The following C11orf65 variants were observed in gnomAD, a reference collection of about 807,000 sequenced individuals.
C11orf65 encodes the protein protein MFI.
In C11orf65, 38 loss-of-function variants were observed where a neutral mutation model predicts 35.3. That is an observed-to-expected ratio of 1.08 (90% CI 0.83 to 1.41). C11orf65 has a LOEUF of 1.41. Among genes scored for constraint, C11orf65 ranks in the 40% most tolerant of loss-of-function variants. C11orf65 has a pLI of 0.00. For missense variants in C11orf65, 370 were observed against 367.1 expected, an observed-to-expected ratio of 1.01 and a Z score of -0.06; for synonymous variants, 105 against 114.4, an observed-to-expected ratio of 0.92 and a Z score of 0.53.
At chr11:108,340,437 T>A (rs1203158563) in intron 2 of C11orf65, 2 of 152,142 alleles carry the variant, frequency 1.3e-5, no homozygotes, top group Non-Finnish European at 2.9e-5. Context: ...TTCACAAAAA[T>A]TCCTAAATGT....
At chr11:108,327,082 C>A (rs1286782382), downstream of C11orf65, among the ~76,000 whole-genome samples, 3 of 152,170 alleles carry the variant, frequency 2.0e-5, no homozygotes, top group Non-Finnish European at 4.4e-5. Flanking sequence ...CCCGCCTTGT[C>A]CTCTGAAAGT....
At chr11:108,323,604 A>T (rs181468992) in intron 6 of C11orf65, among the ~76,000 whole-genome samples, 7 of 152,332 alleles carry the variant, frequency 4.6e-5, no homozygotes, top group Non-Finnish European at 8.8e-5. Context: ...GGATATCTCA[A>T]TTACCCAAAT....
chr11:108,379,177 C>T (rs996142521), downstream of C11orf65, among the ~76,000 whole-genome samples: 19 of 152,054 alleles, frequency 1.2e-4, no homozygotes, highest in South Asian at 2.1e-4. Context: ...CACATGCACA[C>T]GTATGTTTAT....
chr11:108,314,673 A>G (rs965835934), intron 6 of C11orf65, among the ~76,000 whole-genome samples: 4 of 152,172 alleles, frequency 2.6e-5, no homozygotes, highest in African/African-American at 9.7e-5. Context: ...AAATCAGGGT[A>G]AAACTAAATT....
At chr11:108,320,597 G>A (rs2085134769) in intron 6 of C11orf65, among the ~76,000 whole-genome samples, 1 of 152,156 alleles carries the variant, frequency 6.6e-6, no homozygotes, top group South Asian at 2.1e-4. Flanking sequence ...CTCTAATCAT[G>A]ACAATAACTA....
chr11:108,343,085 G>A, intron 2 of C11orf65: 1 of 1,112,132 alleles, frequency 9.0e-7, no homozygotes, highest in Non-Finnish European at 1.3e-6. Flanking sequence ...CCTCCAAGGA[G>A]CTTTGTCTTC....
intron 3 of C11orf65, among the ~76,000 whole-genome samples, chr11:108,408,089 G>T (rs1396263548): frequency 1.3e-5 from 2 of 150,420 alleles, no homozygotes; most frequent in African/African-American, 4.9e-5. Context: ...AGTTACATAG[G>T]TATACATGTG....
At chr11:108,445,966 C>T (rs1157286793) in intron 2 of C11orf65, among the ~76,000 whole-genome samples, 9 of 152,040 alleles carry the variant, frequency 5.9e-5, no homozygotes, top group African/African-American at 1.7e-4. Context: ...TCGAGAACTA[C>T]GTGAAGAATG....
At chr11:108,399,106 C>A (rs2092385236) in intron 6 of C11orf65, among the ~76,000 whole-genome samples, 1 of 152,044 alleles carries the variant, frequency 6.6e-6, no homozygotes, top group Non-Finnish European at 1.5e-5. Context: ...GTAATCCTGG[C>A]CACTTTGGAC....
rs1800558 is a variant in C11orf65 at position 108,365,199 on chromosome 11, G to A, written c.226+28009C>T. The A allele has an allele frequency of 2.8e-5, 46 of 1,614,102 alleles. No individual in the cohort carries two copies. The highest frequency in any genetic ancestry group is 5.9e-6 in the Non-Finnish European group (7 of 1,180,048). ...CCCTACTCTGAATGCAGATGACCAA[G>A]AATGCAAACGAAATCTCAGGTGAGC... On this transcript the variant is annotated intron_variant, in intron 2 of 3. Coordinates refer to the C11orf65 transcript ENST00000524755.
At chr11:108,339,397 C>A (rs1409991341) in intron 2 of C11orf65, among the ~76,000 whole-genome samples, 1 of 151,894 alleles carries the variant, frequency 6.6e-6, no homozygotes, top group South Asian at 2.1e-4. Flanking sequence ...AGTCATGGTT[C>A]TGGGGAGAGA....
chr11:108,430,553 A>G (rs1031849700), intron 3 of C11orf65, among the ~76,000 whole-genome samples: 2 of 152,222 alleles, frequency 1.3e-5, no homozygotes, highest in Non-Finnish European at 2.9e-5. Context: ...ACTGATTTTT[A>G]AAAGACCAAT....
chr11:108,329,074 T>C, downstream of C11orf65: 1 of 1,614,060 alleles, frequency 6.2e-7, no homozygotes, highest in Admixed American at 1.7e-5. Context: ...AGCTAAGAAA[T>C]GGAAAAATGA....
chr11:108,312,506 T>A, intron 6 of C11orf65: 1 of 1,513,578 alleles, frequency 6.6e-7, no homozygotes, highest in Non-Finnish European at 9.2e-7. Flanking sequence ...CAGGTAAATA[T>A]TAGAGGCTCT....
intron 6 of C11orf65, among the ~76,000 whole-genome samples, chr11:108,404,824 A>G (rs2092509534): frequency 6.6e-6 from 1 of 152,242 alleles, no homozygotes; most frequent in South Asian, 2.1e-4. Flanking sequence ...CAGTAGCTTT[A>G]TAAGTCTTGA....
chr11:108,423,515 T>A (rs932970759), intron 3 of C11orf65, among the ~76,000 whole-genome samples: 3 of 152,152 alleles, frequency 2.0e-5, no homozygotes, highest in African/African-American at 7.2e-5. Flanking sequence ...GCCTGCCAGC[T>A]CTGAAGAGAG....
downstream of C11orf65, among the ~76,000 whole-genome samples, chr11:108,380,045 C>G (rs912716763): frequency 6.6e-6 from 1 of 152,194 alleles, no homozygotes; most frequent in South Asian, 2.1e-4. Context: ...CTCATCTCCA[C>G]GTCACCTAAT....
chr11:108,457,882 A>T (rs1362982730), intron 2 of C11orf65, among the ~76,000 whole-genome samples: 2 of 152,170 alleles, frequency 1.3e-5, no homozygotes, highest in Non-Finnish European at 2.9e-5. Flanking sequence ...TTTTTTTAGA[A>T]GTCACCCACT....
At chr11:108,445,755 G>A (rs2093244856) in intron 2 of C11orf65, among the ~76,000 whole-genome samples, 1 of 151,162 alleles carries the variant, frequency 6.6e-6, no homozygotes, top group Admixed American at 6.6e-5. Context: ...ACCAGCAATG[G>A]AACAAAGCTG....
Sources: gnomAD v4.1 joint callset for allele counts (sites outside exome capture counted in the v4.1 genomes callset) on GRCh38, gnomAD v4.1.1 for gene constraint, MANE v1.5 for transcripts, NCBI Gene and HGNC (gene_info 2026-07-23, HGNC 2026-07-21) for gene names.